Variants in OLFM2 observed in about 807,000 individuals in gnomAD.
The protein encoded by OLFM2 is olfactomedin 2, also known as noelin-2.
In OLFM2, 20 loss-of-function variants were observed where a neutral mutation model predicts 43.9. The observed-to-expected ratio is 0.46, with a 90% CI of 0.32 to 0.66. The LOEUF is 0.66. Among genes scored for constraint, OLFM2 ranks in the 30% least tolerant of loss-of-function variants. The pLI, the probability that OLFM2 is intolerant of heterozygous loss-of-function variation, is 0.04. For synonymous variants in OLFM2, 268 were observed against 278.6 expected (o/e 0.96, Z 0.38); for missense variants, 416 against 643.6 (o/e 0.65, Z 3.83).
At chr19:9,873,034 G>T (rs534621532) in intron 1 of OLFM2, among the ~76,000 whole-genome samples, 1 of 152,290 alleles carries the variant, frequency 6.6e-6, no homozygotes, top group East Asian at 1.9e-4. Flanking sequence ...ACTAACACTA[G>T]CTCCATTCTA....
intron 2 of OLFM2, chr19:9,858,229 AC>A (rs569055403): frequency 8.8e-4 from 212 of 239,950 alleles, no homozygotes; most frequent in Middle Eastern, 2.8e-3. Context: ...GGTCCTGCCC[AC>A]CCCCCCCGCC....
In OLFM2 at chr19:9,856,047, G is replaced by A. The variant is rs531464295; in HGVS notation, c.687+760C>T. On this transcript the variant is annotated intron_variant, in intron 5 of 5. Coordinates refer to ENST00000264833, the MANE Select transcript of OLFM2 (RefSeq NM_058164.4). The surrounding 1 kb of genome is among the most constrained non-coding windows in gnomAD (Gnocchi z 4.0). ...CCCTGTCACCATGAGGTGACCAGGC[G>A]TGTCATCAACATCATTGTTGTCATC... Among the ~76,000 whole-genome samples the A allele has an allele frequency of 6.6e-5, 10 of 152,274 alleles. No homozygotes were observed. In the South Asian group the frequency reaches 1.7e-3, roughly 25 times the overall value.
chr19:9,886,078 C>T (rs142091837), intron 1 of OLFM2, among the ~76,000 whole-genome samples: 6,300 of 144,750 alleles, frequency 0.044, 208 homozygotes, highest in South Asian at 0.11. Context: ...GCCTGGGCAA[C>T]GGAGCAAGAC....
intron 1 of OLFM2, among the ~76,000 whole-genome samples, chr19:9,922,273 TACACAC>T (rs35308457): frequency 8.0e-5 from 12 of 150,122 alleles, no homozygotes; most frequent in Non-Finnish European, 1.3e-4. Context: ...AAAATCTAGA[TACACAC>T]ACACACACAC....
chr19:9,881,523 G>A (rs1378710087), intron 1 of OLFM2, among the ~76,000 whole-genome samples: 1 of 152,132 alleles, frequency 6.6e-6, no homozygotes, highest in Admixed American at 6.5e-5. Flanking sequence ...GAGGCCGGAA[G>A]TCAGAAGTCG....
At chr19:9,868,009 C>T (rs751161853) in intron 1 of OLFM2, among the ~76,000 whole-genome samples, 38 of 152,028 alleles carry the variant, frequency 2.5e-4, no homozygotes, top group Non-Finnish European at 4.3e-4. Flanking sequence ...CTCAAGCGAT[C>T]CTCCCACCTC....
rs1164723977 is a variant in OLFM2 at position 9,916,833 on chromosome 19, A to G, written c.63+19471T>C. Among the ~76,000 whole-genome samples the G allele has an allele frequency of 5.9e-5, 9 of 152,266 alleles. No individual in the cohort carries two copies. The East Asian group carries it at 1.7e-3, about 29-fold the overall frequency. The stretch of plus-strand genomic sequence containing the variant: ...GCCAATTTGCCAGGTCCACACCCTC[A>G]TGCCAGTCCTCATTAGATCATTCTC... On this transcript the variant is annotated intron_variant, in intron 1 of 5. Transcript: ENST00000264833.
chr19:9,884,442 T>C (rs2046568401), intron 1 of OLFM2, among the ~76,000 whole-genome samples: 1 of 152,048 alleles, frequency 6.6e-6, no homozygotes, highest in Non-Finnish European at 1.5e-5. Context: ...CCGGGTGTGG[T>C]GGCAGGTGCC....
At chr19:9,914,194 G>A (rs1233893276) in intron 1 of OLFM2, among the ~76,000 whole-genome samples, 1 of 151,720 alleles carries the variant, frequency 6.6e-6, no homozygotes, top group African/African-American at 2.4e-5. Context: ...GGCCCACCCC[G>A]GCCACCCAAA....
chr19:9,878,604 G>A (rs1209002047), intron 1 of OLFM2, among the ~76,000 whole-genome samples: 3 of 151,958 alleles, frequency 2.0e-5, no homozygotes, highest in South Asian at 2.1e-4. Context: ...TGACCCTGTC[G>A]GCATTTTGAG....
intron 1 of OLFM2, among the ~76,000 whole-genome samples, chr19:9,870,983 G>A (rs1227854027): frequency 1.3e-5 from 2 of 151,928 alleles, no homozygotes; most frequent in Non-Finnish European, 2.9e-5. Context: ...AAGAGTTTAA[G>A]ACCAGACCGG....
At chr19:9,913,738 G>C in intron 1 of OLFM2, 1 of 986,648 alleles carries the variant, frequency 1.0e-6, no homozygotes, top group South Asian at 4.6e-5. Context: ...GGGCACGAGC[G>C]CGAGCTGCGG....
At chr19:9,888,946 G>T (rs1408208961) in intron 1 of OLFM2, among the ~76,000 whole-genome samples, 1 of 151,826 alleles carries the variant, frequency 6.6e-6, no homozygotes, top group Non-Finnish European at 1.5e-5. Flanking sequence ...GGTGCCTGTA[G>T]TCCCAGCTAC....
chr19:9,914,382 G>C (rs1188478453), intron 1 of OLFM2, among the ~76,000 whole-genome samples: 1 of 152,110 alleles, frequency 6.6e-6, no homozygotes, highest in African/African-American at 2.4e-5. Flanking sequence ...CTTCCTTCCC[G>C]GGCACTGAGA....
At chr19:9,926,180 G>A (rs1438675344) in intron 1 of OLFM2, among the ~76,000 whole-genome samples, 1 of 151,490 alleles carries the variant, frequency 6.6e-6, no homozygotes, top group East Asian at 2.0e-4. Flanking sequence ...AAACAACCCA[G>A]TGTCTATTTA....
chr19:9,932,076 G>A (rs966781279), intron 1 of OLFM2, among the ~76,000 whole-genome samples: 2 of 152,144 alleles, frequency 1.3e-5, no homozygotes, highest in African/African-American at 4.8e-5. Flanking sequence ...AAACAACAAA[G>A]CTAGCTGAAC....
intron 1 of OLFM2, among the ~76,000 whole-genome samples, chr19:9,919,560 G>A (rs1487722918): frequency 1.3e-5 from 2 of 152,154 alleles, no homozygotes; most frequent in East Asian, 3.9e-4. Flanking sequence ...TTGGCTCACT[G>A]CAACCTTCCC....
chr19:9,903,599 G>A (rs74649849), intron 1 of OLFM2, among the ~76,000 whole-genome samples: 16 of 152,196 alleles, frequency 1.1e-4, no homozygotes, highest in African/African-American at 3.1e-4. Flanking sequence ...TTAGCATTGC[G>A]GTGAAACCTG....
intron 1 of OLFM2, among the ~76,000 whole-genome samples, chr19:9,931,468 C>T (rs552356016): frequency 1.1e-4 from 16 of 151,976 alleles, no homozygotes; most frequent in Admixed American, 2.6e-4. Flanking sequence ...TTTAGGAGGC[C>T]GAGGCAGACA....
Sources: gnomAD v4.1 joint callset for allele counts (sites outside exome capture counted in the v4.1 genomes callset) on GRCh38, gnomAD v4.1.1 for gene constraint, Gnocchi (gnomAD v3.1) non-coding constraint, MANE v1.5 for transcripts, NCBI Gene and HGNC (gene_info 2026-07-23, HGNC 2026-07-21) for gene names.